NSUN4: variants seen among roughly 807,000 people sequenced by gnomAD.
NSUN4 encodes NOP2/Sun RNA methyltransferase 4, also known as 5-cytosine rRNA methyltransferase NSUN4.
Under a neutral mutation model 43.8 loss-of-function variants are expected in NSUN4, and 31 were observed. That is an observed-to-expected ratio of 0.71 (90% CI 0.53 to 0.96). The LOEUF (loss-of-function observed/expected upper bound fraction) is 0.96. NSUN4 is among the 40% of genes least tolerant of loss of function. The pLI, the probability that NSUN4 is intolerant of heterozygous loss-of-function variation, is 0.00. For missense variants in NSUN4, 439 were observed against 475.6 expected, an observed-to-expected ratio of 0.92 and a Z score of 0.72; for synonymous variants, 167 against 184.1, an observed-to-expected ratio of 0.91 and a Z score of 0.75.
chr1:46,367,020 A>G (rs1364943793), downstream of NSUN4, among the ~76,000 whole-genome samples: 1 of 152,164 alleles, frequency 6.6e-6, no homozygotes, highest in Non-Finnish European at 1.5e-5. Flanking sequence ...ATAAAGACAA[A>G]AAACACCATA....
At chr1:46,383,306 G>A in the NSUN4 span, among the ~76,000 whole-genome samples, 1 of 146,978 alleles carries the variant, frequency 6.8e-6, no homozygotes, top group African/African-American at 2.5e-5. Flanking sequence ...CGCACCGGAA[G>A]CCCCATGCTG....
At chr1:46,347,861 T>C (rs1005733774) in intron 3 of NSUN4, among the ~76,000 whole-genome samples, 1 of 150,492 alleles carries the variant, frequency 6.6e-6, no homozygotes, top group Non-Finnish European at 1.5e-5. Context: ...TTGACTTTCT[T>C]TTTTTTTTTC....
chr1:46,361,962 G>T lies in NSUN4; in HGVS notation c.*116G>T. ...TCTCGGTCCTGTCTCCATCCTGTTC[G>T]TGTCTTTCTGCAGTTTTCGGCAATA... On this transcript the variant is annotated 3_prime_UTR_variant, in exon 6 of 6. Transcript: ENST00000474844. 1 of 948,426 alleles carries T rather than the reference G, an allele frequency of 1.1e-6. No individual in the cohort carries two copies. The highest frequency in any genetic ancestry group is 1.6e-5 in the African/African-American group (1 of 60,714). 58.8% of individuals were successfully genotyped at this position (948,426 alleles called of 1,614,324 possible).
chr1:46,370,804 G>T, the NSUN4 span: 1 of 152,370 alleles, frequency 6.6e-6, no homozygotes, highest in Non-Finnish European at 1.5e-5. Flanking sequence ...CTTCTCCAAT[G>T]GATTCATTCA....
chr1:46,377,101 G>A, the NSUN4 span, among the ~76,000 whole-genome samples: 1 of 151,804 alleles, frequency 6.6e-6, no homozygotes, highest in Non-Finnish European at 1.5e-5. Context: ...CCAGGCTGGA[G>A]TGTAGTGGCG....
chr1:46,378,668 A>T, the NSUN4 span, among the ~76,000 whole-genome samples: 2 of 152,364 alleles, frequency 1.3e-5, no homozygotes, highest in African/African-American at 4.8e-5. Flanking sequence ...CAACCTTCAA[A>T]GTGGTGGTTT....
At position 46,361,619 on chromosome 1, in the gene NSUN4, T is replaced by G. The variant is rs368398455; in HGVS notation, c.928T>G (p.Cys310Gly). 35 of 1,614,130 alleles carry G rather than the reference T, an allele frequency of 2.2e-5. No homozygotes were observed. The highest frequency in any genetic ancestry group is 3.0e-5 in the Non-Finnish European group (35 of 1,180,048). ...KPGGHVVYST[C>G]SLSHLQNEYV... is the part of the protein sequence containing the mutation. ...AGGAGGCCATGTTGTCTATTCTACC[T>G]GCTCACTCTCACACTTACAGAACGA... is the stretch of plus-strand genomic sequence containing the variant. The change falls in exon 6 of 6, where the codon TGC becomes GGC. Residue 310 changes from cysteine to glycine, a missense_variant. Physicochemically the swap from Cys to Gly is radical, Grantham distance 159. Transcript: ENST00000474844.
chr1:46,379,736 C>A, the NSUN4 span, among the ~76,000 whole-genome samples: 1 of 152,198 alleles, frequency 6.6e-6, no homozygotes, highest in Non-Finnish European at 1.5e-5. Flanking sequence ...GGTCAAGGCA[C>A]TGGCAGATTT....
At chr1:46,377,227 T>C in the NSUN4 span, among the ~76,000 whole-genome samples, 3 of 152,110 alleles carry the variant, frequency 2.0e-5, no homozygotes, top group Admixed American at 6.6e-5. Context: ...TTTTTGTATT[T>C]TTAGTAGAGA....
chr1:46,345,040 G>A lies in NSUN4; in HGVS notation c.333G>A (p.Glu111=). ...EAISHWELQS[E]GGQSAAPSPA... Reference sequence around the variant, plus strand: ...TCTCCCACTGGGAACTGCAGTCTGAGGGTGGCCAATCTGCAGCCCCATCCC... The same window carrying A: ...TCTCCCACTGGGAACTGCAGTCTGAAGGTGGCCAATCTGCAGCCCCATCCC... The change falls in exon 2 of 6, where the codon GAG becomes GAA. Residue 111 remains glutamate (E), a synonymous_variant. Transcript: ENST00000474844. 1 of 1,614,202 alleles carries A rather than the reference G, an allele frequency of 6.2e-7. No individual in the cohort carries two copies. Among genetic ancestry groups the A allele is most frequent in the Non-Finnish European group, 8.5e-7 (1 of 1,180,034 alleles).
intron 1 of NSUN4, chr1:46,342,879 C>T (rs1020946492): frequency 2.0e-5 from 8 of 399,746 alleles, no homozygotes; most frequent in African/African-American, 1.4e-4. Context: ...CACCTGTCCC[C>T]CACCTCCCTC....
Position 46,344,782 on chromosome 1 carries a change from C to T in NSUN4, c.94-19C>T. On this transcript the variant is annotated intron_variant, in intron 1 of 5. Transcript: ENST00000474844. ...AGTCAAGACTGGGAAAACCAATAAGCCTGTCCTCTCTCTTTTAGGCTGCCA... is the reference window on the plus strand; with the variant it reads ...AGTCAAGACTGGGAAAACCAATAAGTCTGTCCTCTCTCTTTTAGGCTGCCA... 1 of 1,603,396 alleles carries T rather than the reference C, an allele frequency of 6.2e-7. No homozygotes were observed.
chr1:46,361,768 G>T lies in NSUN4; in HGVS notation c.1077G>T (p.Gln359His), dbSNP rs1663894465. 9 of 1,614,188 alleles carry T rather than the reference G, an allele frequency of 5.6e-6. No homozygotes were observed. Among genetic ancestry groups the T allele is most frequent in the Non-Finnish European group, 7.6e-6 (9 of 1,180,042 alleles). Residue 359 changes from glutamine to histidine, a missense_variant, in exon 6 of 6, where the codon CAG becomes CAT. Physicochemically the swap from Gln to His is conservative, Grantham distance 24. Transcript: ENST00000474844. ...MDTFCFFSSCQVGELVIPNLM... is the reference protein window; with the variant it reads ...MDTFCFFSSCHVGELVIPNLM... ...CATTTTGTTTCTTCTCATCCTGTCA[G>T]GTTGGGGAGCTGGTAATACCAAACC...
At chr1:46,343,423 C>T in intron 1 of NSUN4, 1 of 399,670 alleles carries the variant, frequency 2.5e-6, no homozygotes, top group Non-Finnish European at 4.4e-6. Context: ...TGCAAAGAGC[C>T]TCTGCAGATC....
the NSUN4 span, among the ~76,000 whole-genome samples, chr1:46,380,994 C>T: frequency 1.3e-5 from 2 of 151,986 alleles, no homozygotes; most frequent in Admixed American, 1.3e-4. Flanking sequence ...CTATTATTAC[C>T]ATTATTTGAC....
At chr1:46,373,404 A>C in the NSUN4 span, among the ~76,000 whole-genome samples, 2 of 152,190 alleles carry the variant, frequency 1.3e-5, no homozygotes, top group Non-Finnish European at 2.9e-5. Context: ...ATGAGTGACT[A>C]CCTGAAGCTG....
rs201531800 is a variant in NSUN4, at chr1:46,349,130, TG to T, written c.592+2057del. 3.6e-3 allele frequency among the ~76,000 whole-genome samples: 490 copies of T among 136,784 alleles called. 16 individuals are homozygous for T. In the East Asian group the frequency reaches 0.076, roughly 21 times the overall value. 89.7% of individuals were successfully genotyped at this position (136,784 alleles called of 152,430 possible). On this transcript the variant is annotated intron_variant, in intron 3 of 5. Coordinates refer to ENST00000474844, the MANE Select transcript of NSUN4 (RefSeq NM_199044.4). The stretch of plus-strand genomic sequence containing the variant: ...GCCCAGTCTTGTGCACTGTTTTTTT[TG>T]GTTTGTTTTTTTGTTTTTTTTTTTT...
chr1:46,365,443 G>T (rs768963688), downstream of NSUN4, among the ~76,000 whole-genome samples: 6 of 152,122 alleles, frequency 3.9e-5, no homozygotes, highest in African/African-American at 1.4e-4. Context: ...AGGTTCAAGC[G>T]ATTCTTCTGC....
chr1:46,345,012 C>T lies in NSUN4; in HGVS notation c.305C>T (p.Ala102Val), dbSNP rs762427408. The T allele has an allele frequency of 6.2e-7, 1 of 1,614,138 alleles. No homozygotes were observed. Among genetic ancestry groups the T allele is most frequent in the Non-Finnish European group, 8.5e-7 (1 of 1,179,992 alleles). ...AGTGCCAAGGATTTTGTGAATGAAGCCATCTCCCACTGGGAACTGCAGTCT... is the reference window on the plus strand; with the variant it reads ...AGTGCCAAGGATTTTGTGAATGAAGTCATCTCCCACTGGGAACTGCAGTCT... Reference protein sequence around the residue: ...QLSAKDFVNEAISHWELQSEG... With the variant: ...QLSAKDFVNEVISHWELQSEG... Residue 102 changes from alanine (A) to valine (V), a missense_variant, in exon 2 of 6, where the codon GCC (alanine) becomes GTC (valine). Ala to Val is a moderately conservative substitution (Grantham distance 64). Transcript: ENST00000474844.
Sources: gnomAD v4.1 joint callset for allele counts (sites outside exome capture counted in the v4.1 genomes callset) on GRCh38, gnomAD v4.1.1 for gene constraint, MANE v1.5 for transcripts, NCBI Gene and HGNC (gene_info 2026-07-23, HGNC 2026-07-21) for gene names.